NFATC2: variants seen among roughly 807,000 people sequenced by gnomAD.
NFATC2 encodes nuclear factor of activated T-cells, cytoplasmic 2.
Under a neutral mutation model 87.3 loss-of-function variants are expected in NFATC2, and 22 were observed. The ratio of observed to expected loss-of-function variants is 0.25; its 90% confidence interval spans 0.18 to 0.36. The LOEUF (loss-of-function observed/expected upper bound fraction) is 0.36, where lower values mean the gene tolerates loss of function less well. Ranked by LOEUF, NFATC2 falls within the 10% of genes least tolerant of loss-of-function variation. The pLI is 1.00. For missense variants in NFATC2, 1,149 were observed against 1,259.1 expected (o/e 0.91, Z 1.32); for synonymous variants, 565 against 542.2 (o/e 1.04, Z -0.58).
In NFATC2 at chr20:51,435,211, G is replaced by C. The variant is rs1382942144; in HGVS notation, c.2009C>G (p.Pro670Arg). ...VINGKRKRSQ[P>R]QHFTYHPVPA... is the part of the protein sequence containing the mutation. ...ACCTGGGTGGTAGGTAAAGTGCTGA[G>C]GCTGACTTCGTTTTCTCTTCCCATT... Residue 670 changes from proline to arginine, a missense_variant, in exon 8 of 11, where the codon CCT (proline) becomes CGT (arginine). Coordinates refer to ENST00000371564, the MANE Select transcript of NFATC2 (RefSeq NM_012340.5). 5 of 1,614,066 alleles carry C rather than the reference G, an allele frequency of 3.1e-6. No homozygotes were observed. Among genetic ancestry groups the C allele is most frequent in the Non-Finnish European group, 4.2e-6 (5 of 1,180,034 alleles).
intron 6 of NFATC2, among the ~76,000 whole-genome samples, chr20:51,447,028 G>A (rs918214429): frequency 1.3e-5 from 2 of 152,078 alleles, no homozygotes; most frequent in African/African-American, 4.8e-5. Context: ...GCAGGTGTCT[G>A]CTCTAAGATG....
chr20:51,411,164 G>C (rs145723985), intron 9 of NFATC2, among the ~76,000 whole-genome samples: 30 of 152,186 alleles, frequency 2.0e-4, no homozygotes, highest in African/African-American at 6.8e-4. Context: ...GTAAATCAAG[G>C]CTCAGTGAGG....
At chr20:51,404,360 C>A (rs1032992171) in intron 9 of NFATC2, among the ~76,000 whole-genome samples, 28 of 152,310 alleles carry the variant, frequency 1.8e-4, no homozygotes, top group Admixed American at 2.0e-4. Context: ...CTATTCCCAG[C>A]TTCTAAGGCT....
intron 8 of NFATC2, 102 bp downstream of exon 8, chr20:51,435,086 A>AT: frequency 6.9e-7 from 1 of 1,446,912 alleles, no homozygotes; most frequent in Non-Finnish European, 9.4e-7. Context: ...AGGTTGAGTC[A>AT]TCTGTCCAAA....
At chr20:51,403,420 A>G (rs1446461282) in intron 9 of NFATC2, among the ~76,000 whole-genome samples, 1 of 152,208 alleles carries the variant, frequency 6.6e-6, no homozygotes, top group Non-Finnish European at 1.5e-5. Context: ...TGTTCCTAAA[A>G]GACAGTAGTT....
intron 10 of NFATC2, among the ~76,000 whole-genome samples, chr20:51,395,169 G>A (rs533133950): frequency 6.6e-6 from 1 of 152,176 alleles, no homozygotes; most frequent in South Asian, 2.1e-4. Context: ...CCTATACAGT[G>A]CCAGGGACTA....
chr20:51,470,709 C>T (rs1988126682), intron 5 of NFATC2, among the ~76,000 whole-genome samples: 1 of 152,200 alleles, frequency 6.6e-6, no homozygotes, highest in Non-Finnish European at 1.5e-5. Context: ...TTACAATACT[C>T]TGCCAGCGCG....
chr20:51,523,011 A>G lies in NFATC2; in HGVS notation c.1160+70T>C. ...AGTCTTAAACCTGACTCTGAATCCC[A>G]TGCTCATAACCAGAAAACCATCTCT... is the stretch of plus-strand genomic sequence containing the variant. On this transcript the variant is annotated intron_variant, in intron 2 of 10. Coordinates refer to ENST00000371564, the MANE Select transcript of NFATC2 (RefSeq NM_012340.5). This position sits in a 1 kb window ranked among gnomAD's most constrained non-coding sequence, Gnocchi z 6.9. 6.3e-7 allele frequency: 1 copy of G among 1,592,008 alleles called. No individual in the cohort carries two copies. The highest frequency in any genetic ancestry group is 8.5e-7 in the Non-Finnish European group (1 of 1,170,844).
chr20:51,452,679 A>G (rs1329559183), intron 6 of NFATC2, among the ~76,000 whole-genome samples: 2 of 152,134 alleles, frequency 1.3e-5, no homozygotes, highest in Non-Finnish European at 1.5e-5. Flanking sequence ...CCTGTGTGCT[A>G]AATCTCAGCT....
At chr20:51,444,821 G>C (rs563106028) in intron 6 of NFATC2, among the ~76,000 whole-genome samples, 1 of 152,228 alleles carries the variant, frequency 6.6e-6, no homozygotes, top group Non-Finnish European at 1.5e-5. Context: ...CAGCAGACAG[G>C]GGTGGGGTGG....
rs770785322 is a variant in NFATC2, at chr20:51,391,202, C to T, written c.*294G>A. On this transcript the variant is annotated 3_prime_UTR_variant, in exon 11 of 11. Coordinates refer to ENST00000371564, the MANE Select transcript of NFATC2 (RefSeq NM_012340.5). ...GCTCTCTGGGATTTAAAACATAAAC[C>T]GAAAAGAAGAGTTCTCTCTGGTGTT... 3.6e-5 allele frequency: 25 copies of T among 704,148 alleles called. No individual in the cohort carries two copies. The highest frequency in any genetic ancestry group is 1.8e-4 in the South Asian group (12 of 67,576). 43.6% of individuals were successfully genotyped at this position (704,148 alleles called of 1,614,324 possible).
At chr20:51,522,706 A>G (rs1369704080) in intron 2 of NFATC2, among the ~76,000 whole-genome samples, 1 of 152,110 alleles carries the variant, frequency 6.6e-6, no homozygotes, top group Non-Finnish European at 1.5e-5. Context: ...CAGCTCCATG[A>G]AAGCAGAAAT....
In NFATC2 at chr20:51,388,270, G is replaced by C. The variant is rs556826496; in HGVS notation, c.*3226C>G. The stretch of plus-strand genomic sequence containing the variant: ...ATCACCTACTAAATTAGTTATTTTG[G>C]GGGGAGGATCTAGACACTTGATGAT... On this transcript the variant is annotated 3_prime_UTR_variant, in exon 11 of 11. Coordinates refer to ENST00000371564, the MANE Select transcript of NFATC2 (RefSeq NM_012340.5). 8 of 152,096 alleles carry C rather than the reference G, an allele frequency of 5.3e-5. No individual in the cohort carries two copies. The highest frequency in any genetic ancestry group is 1.4e-4 in the African/African-American group (6 of 41,406). The allele number at this position is 152,096 out of a possible 1,614,324, so 9.4% of individuals were successfully genotyped here.
intron 5 of NFATC2, among the ~76,000 whole-genome samples, chr20:51,456,132 G>A (rs1381655712): frequency 6.7e-6 from 1 of 148,384 alleles, no homozygotes; most frequent in Non-Finnish European, 1.5e-5. Context: ...GGGTGGGTGA[G>A]TGGATGGATG....
chr20:51,438,364 C>T (rs564080608), intron 6 of NFATC2, among the ~76,000 whole-genome samples: 1 of 151,814 alleles, frequency 6.6e-6, no homozygotes, highest in South Asian at 2.1e-4. Context: ...TCCCCCATAG[C>T]CTCTCCTTGC....
At chr20:51,543,572 G>C (rs1352456787), upstream of NFATC2, among the ~76,000 whole-genome samples, 1 of 152,152 alleles carries the variant, frequency 6.6e-6, no homozygotes, top group Non-Finnish European at 1.5e-5. Flanking sequence ...TGTGCTGGAG[G>C]GAGAACGAGG....
intron 10 of NFATC2, among the ~76,000 whole-genome samples, chr20:51,396,176 TACTGGATTTCTAAAAGCTA>T (rs972327254): frequency 2.7e-5 from 4 of 150,760 alleles, no homozygotes; most frequent in African/African-American, 9.7e-5. Context: ...CAGTGCCTCT[TACTGGATTTCTAAAAGCTA>T]AAACTGACTT....
chr20:51,400,982 GAACA>G (rs1987972649), intron 9 of NFATC2, among the ~76,000 whole-genome samples: 1 of 151,900 alleles, frequency 6.6e-6, no homozygotes, highest in Non-Finnish European at 1.5e-5. Flanking sequence ...GAAGCTGTTG[GAACA>G]TAAGCACTTC....
intron 6 of NFATC2, among the ~76,000 whole-genome samples, chr20:51,445,640 G>A (rs1226285198): frequency 6.6e-6 from 1 of 152,072 alleles, no homozygotes; most frequent in Non-Finnish European, 1.5e-5. Flanking sequence ...TTTCTCTCTT[G>A]GGCCTGTGAC....
Sources: allele counts gnomAD v4.1 joint callset (sites outside exome capture counted in the v4.1 genomes callset), GRCh38; gene constraint gnomAD v4.1.1; non-coding constraint Gnocchi (gnomAD v3.1); transcripts MANE v1.5; gene names NCBI Gene and HGNC (gene_info 2026-07-23, HGNC 2026-07-21).